Variants in COL4A2 observed in about 807,000 individuals in gnomAD.
The protein encoded by COL4A2 is collagen alpha-2(IV) chain.
Under a neutral mutation model 200.2 loss-of-function variants are expected in COL4A2, and 99 were observed. The ratio of observed to expected loss-of-function variants is 0.49; its 90% CI spans 0.42 to 0.58. The LOEUF (loss-of-function observed/expected upper bound fraction) is 0.58, where lower values mean the gene tolerates loss of function less well. Among genes scored for constraint, COL4A2 ranks in the 20% least tolerant of loss-of-function variants. The pLI, the probability that COL4A2 is intolerant of heterozygous loss-of-function variation, is 0.00. For synonymous variants in COL4A2, 897 were observed against 900.6 expected (o/e 1.00, Z 0.07); for missense variants, 1,950 against 2,314.1 (o/e 0.84, Z 3.23).
intron 3 of COL4A2, among the ~76,000 whole-genome samples, chr13:110,336,107 G>T (rs1001547108): frequency 1.3e-5 from 2 of 152,084 alleles, no homozygotes; most frequent in Admixed American, 6.5e-5. Flanking sequence ...GGAGTTTTTT[G>T]ATTTTTAACT....
intron 3 of COL4A2, among the ~76,000 whole-genome samples, chr13:110,333,992 C>G (rs994898888): frequency 5.9e-5 from 9 of 152,196 alleles, no homozygotes; most frequent in African/African-American, 2.2e-4. Context: ...CCGGCACCGC[C>G]CATGGAGCTG....
At chr13:110,459,063 T>C (rs1430021400) in intron 22 of COL4A2, 129 bp downstream of exon 22, 1 of 913,488 alleles carries the variant, frequency 1.1e-6, no homozygotes, top group Non-Finnish European at 1.6e-6. Flanking sequence ...AAGGCATGGC[T>C]AAACCATTCT....
chr13:110,393,999 C>CT (rs1188965742), intron 4 of COL4A2, among the ~76,000 whole-genome samples: 9 of 152,320 alleles, frequency 5.9e-5, no homozygotes, highest in Admixed American at 5.2e-4. Flanking sequence ...GCCATACCCC[C>CT]TGCCACTATA....
chr13:110,450,385 C>T lies in COL4A2; in HGVS notation c.1270C>T (p.Pro424Ser). 6.2e-7 allele frequency: 1 copy of T among 1,614,018 alleles called. No homozygotes were observed. Among genetic ancestry groups the T allele is most frequent in the South Asian group, 1.1e-5 (1 of 91,086 alleles). ...DPGIPALYGG[P>S]PGPDGKRGPP... ...CGGCATCCCTGCGCTCTACGGGGGCCCACCTGGACCTGATGGAAAGCGAGG... is the reference window on the plus strand; with the variant it reads ...CGGCATCCCTGCGCTCTACGGGGGCTCACCTGGACCTGATGGAAAGCGAGG... Residue 424 changes from proline to serine, a missense_variant, in exon 20 of 48, where the codon CCA becomes TCA. By Grantham distance (74) the Pro-to-Ser change is moderately conservative (BLOSUM62 -1). Transcript: ENST00000360467.
chr13:110,430,212 T>G, intron 8 of COL4A2, 189 bp from the exon 9 acceptor site: 1 of 736,078 alleles, frequency 1.4e-6, no homozygotes, highest in Non-Finnish European at 2.0e-6. Flanking sequence ...TTAGTAAATA[T>G]TAATATTACT....
intron 18 of COL4A2, 117 bp downstream of exon 18, chr13:110,446,981 A>G: frequency 1.7e-6 from 1 of 594,212 alleles, no homozygotes; most frequent in South Asian, 3.5e-5. Flanking sequence ...AACTTAAAGT[A>G]TAATAATAAT....
chr13:110,445,901 T>C lies in COL4A2; in HGVS notation c.1011+19T>C. The C allele has an allele frequency of 1.2e-6, 2 of 1,614,108 alleles. No homozygotes were observed. Among genetic ancestry groups the C allele is most frequent in the Non-Finnish European group, 1.7e-6 (2 of 1,179,964 alleles). Reference sequence around the variant, plus strand: ...ACCCAAGGTGAGCCCGTTTCTCATGTCTTTGCCACTTATGGTGTCTCGCCC... The same window carrying C: ...ACCCAAGGTGAGCCCGTTTCTCATGCCTTTGCCACTTATGGTGTCTCGCCC... On this transcript the variant is annotated intron_variant, in intron 17 of 47. Coordinates refer to ENST00000360467, the MANE Select transcript of COL4A2 (RefSeq NM_001846.4).
Position 110,503,422 on chromosome 13 carries a change from C to A in COL4A2, c.4079C>A (p.Pro1360His). The change falls in exon 43 of 48, where the codon CCC becomes CAC. Residue 1360 changes from proline (P) to histidine (H), a missense_variant. By Grantham distance (77) the Pro-to-His change is moderately conservative (BLOSUM62 -2). Coordinates refer to ENST00000360467, the MANE Select transcript of COL4A2 (RefSeq NM_001846.4). ...CAAGGCTTCATGGGGAACACTGGAC[C>A]CACTGGGGCGGTGGGCGACAGAGGC... The part of the protein sequence containing the change: ...GEQGFMGNTG[P>H]TGAVGDRGPK... The A allele has an allele frequency of 6.3e-7, 1 of 1,595,406 alleles. No individual in the cohort carries two copies. Among genetic ancestry groups the A allele is most frequent in the East Asian group, 2.3e-5 (1 of 44,100 alleles).
chr13:110,426,460 C>T (rs923254966), intron 6 of COL4A2, among the ~76,000 whole-genome samples: 2 of 152,168 alleles, frequency 1.3e-5, no homozygotes, highest in African/African-American at 2.4e-5. Context: ...AACTCTGATA[C>T]TACAAATTAA....
chr13:110,370,464 C>T (rs1877954951), intron 4 of COL4A2, among the ~76,000 whole-genome samples: 1 of 152,138 alleles, frequency 6.6e-6, no homozygotes, highest in African/African-American at 2.4e-5. Flanking sequence ...ACTGTGTTGG[C>T]CAGGCTGGTC....
chr13:110,499,665 C>T (rs1883577360), intron 40 of COL4A2, among the ~76,000 whole-genome samples: 1 of 152,210 alleles, frequency 6.6e-6, no homozygotes. Flanking sequence ...CTTCACGGAA[C>T]CCCTGTTAGT....
chr13:110,484,127 A>G (rs1883030026), intron 32 of COL4A2, among the ~76,000 whole-genome samples: 1 of 152,042 alleles, frequency 6.6e-6, no homozygotes, highest in Non-Finnish European at 1.5e-5. Flanking sequence ...AAGATTAAGT[A>G]ATTTTCAGCT....
chr13:110,505,362 G>A (rs922714188), intron 45 of COL4A2, among the ~76,000 whole-genome samples: 3 of 151,634 alleles, frequency 2.0e-5, no homozygotes, highest in Non-Finnish European at 4.4e-5. Context: ...AAAAAAAAAA[G>A]AAAATTAAAC....
At position 110,489,437 on chromosome 13, in the gene COL4A2, G is replaced by A. The variant is rs1008688282; in HGVS notation, c.3208-8G>A. On this transcript the variant is annotated splice_region_variant and splice_polypyrimidine_tract_variant and intron_variant, in intron 34 of 47. Coordinates refer to ENST00000360467, the MANE Select transcript of COL4A2 (RefSeq NM_001846.4). The stretch of plus-strand genomic sequence containing the variant: ...CAGCCTTCTAAGATGGTTCATGTCT[G>A]TCTTTAGGGTGACAAAGGTGCCCCA... 5 of 1,614,084 alleles carry A rather than the reference G, an allele frequency of 3.1e-6. No homozygotes were observed. Among genetic ancestry groups the A allele is most frequent in the Non-Finnish European group, 4.2e-6 (5 of 1,179,976 alleles).
intron 3 of COL4A2, among the ~76,000 whole-genome samples, chr13:110,336,275 A>C (rs922260904): frequency 6.6e-6 from 1 of 152,230 alleles, no homozygotes; most frequent in East Asian, 1.9e-4. Context: ...TCTTTCATGA[A>C]CACGCAGGGA....
At chr13:110,411,613 C>A (rs1421236140) in intron 4 of COL4A2, among the ~76,000 whole-genome samples, 1 of 152,202 alleles carries the variant, frequency 6.6e-6, no homozygotes, top group East Asian at 1.9e-4. Flanking sequence ...GTTCTTAAAT[C>A]ACCTCTGCAG....
chr13:110,472,873 CT>C (rs1206858532), intron 28 of COL4A2, 55 bp from the exon 29 acceptor site: 1 of 1,511,090 alleles, frequency 6.6e-7, no homozygotes, highest in African/African-American at 1.4e-5. Flanking sequence ...TGACTCTTCT[CT>C]TAGAACGTCA....
chr13:110,307,934 C>T lies in COL4A2; in HGVS notation c.31C>T (p.Pro11Ser). The change falls in exon 2 of 48, where the codon CCT (proline) becomes TCT (serine). Residue 11 changes from proline (P) to serine (S), a missense_variant. Around this residue, in one of 2 missense-constraint regions of COL4A2, gnomAD observed 565 missense variants for 593.5 expected, o/e 0.95. Transcript: ENST00000360467. The surrounding 1 kb of genome is among the most constrained non-coding windows in gnomAD (Gnocchi z 5.0). ...GAGAGACCAGCGCGCGGTGGCCGGC[C>T]CTGCCCTACGGCGGTAAGCGACTTT... MGRDQRAVAG[P>S]ALRRWLLLGT... 6.2e-7 allele frequency: 1 copy of T among 1,613,030 alleles called. No homozygotes were observed. Among genetic ancestry groups the T allele is most frequent in the Non-Finnish European group, 8.5e-7 (1 of 1,179,780 alleles).
At chr13:110,499,386 G>A (rs974089559) in intron 40 of COL4A2, among the ~76,000 whole-genome samples, 10 of 152,296 alleles carry the variant, frequency 6.6e-5, no homozygotes, top group African/African-American at 2.4e-4. Context: ...AAAGGGTGGG[G>A]GGAGGCCCCT....
Sources: allele counts gnomAD v4.1 joint callset (sites outside exome capture counted in the v4.1 genomes callset), GRCh38; gene constraint gnomAD v4.1.1; regional missense constraint gnomAD v4.1.1; non-coding constraint Gnocchi (gnomAD v3.1); transcripts MANE v1.5; gene names NCBI Gene and HGNC (gene_info 2026-07-23, HGNC 2026-07-21).